The following PTPRO variants were observed in gnomAD, a reference collection of about 807,000 sequenced individuals.
PTPRO encodes the protein receptor-type tyrosine-protein phosphatase O.
In PTPRO, 62 loss-of-function variants were observed where a neutral mutation model predicts 145.2. That is an observed-to-expected ratio of 0.43 (90% confidence interval 0.35 to 0.53). PTPRO has a LOEUF of 0.53. Among genes scored for constraint, PTPRO ranks in the 20% least tolerant of loss-of-function variants. The pLI is 0.01. For synonymous variants in PTPRO, 565 were observed against 514.7 expected (o/e 1.10, Z -1.32); for missense variants, 1,345 against 1,482.7 (o/e 0.91, Z 1.53).
chr12:15,467,326 A>G (rs1941437793), intron 1 of PTPRO, among the ~76,000 whole-genome samples: 1 of 151,898 alleles, frequency 6.6e-6, no homozygotes, highest in South Asian at 2.1e-4. Context: ...ATATATATCA[A>G]ACTGAACTAA....
intron 12 of PTPRO, among the ~76,000 whole-genome samples, chr12:15,526,978 G>C (rs1454459903): frequency 1.3e-5 from 2 of 152,038 alleles, no homozygotes; most frequent in Non-Finnish European, 2.9e-5. Context: ...GTTAAAATAA[G>C]TACTAAAAGA....
intron 22 of PTPRO, 113 bp from the exon 23 acceptor site, chr12:15,581,566 C>G (rs1280049849): frequency 7.8e-7 from 1 of 1,284,992 alleles, no homozygotes; most frequent in East Asian, 2.4e-5. Flanking sequence ...TTCATCTTCA[C>G]CACGGTCCTA....
intron 25 of PTPRO, among the ~76,000 whole-genome samples, chr12:15,593,979 G>A (rs1944605266): frequency 2.0e-5 from 3 of 152,074 alleles, no homozygotes; most frequent in African/African-American, 7.2e-5. Context: ...GGAATAAAAA[G>A]ACATAGTTTC....
At chr12:15,377,089 TAA>T (rs1401059821) in intron 1 of PTPRO, among the ~76,000 whole-genome samples, 6 of 151,960 alleles carry the variant, frequency 3.9e-5, no homozygotes, top group Non-Finnish European at 8.8e-5. Flanking sequence ...TATACTGGAG[TAA>T]AGTCTCAGTA....
intron 15 of PTPRO, among the ~76,000 whole-genome samples, chr12:15,557,032 G>GTTTTT (rs552264784): frequency 4.3e-5 from 6 of 139,922 alleles, no homozygotes; most frequent in Non-Finnish European, 7.8e-5. Context: ...CTTTTATTTT[G>GTTTTT]TTTTTTTTTT....
chr12:15,446,981 G>GC (rs1396646881), intron 1 of PTPRO, among the ~76,000 whole-genome samples: 5 of 151,964 alleles, frequency 3.3e-5, no homozygotes, highest in African/African-American at 4.8e-5. Context: ...ACATCATCTA[G>GC]CCCCCTCCTC....
chr12:15,381,362 C>G (rs927425298), intron 1 of PTPRO, among the ~76,000 whole-genome samples: 3 of 152,138 alleles, frequency 2.0e-5, no homozygotes, highest in African/African-American at 7.2e-5. Context: ...CTACTCAGAG[C>G]AATTTAAGTC....
At chr12:15,548,357 T>C (rs1236067192) in intron 13 of PTPRO, among the ~76,000 whole-genome samples, 2 of 152,206 alleles carry the variant, frequency 1.3e-5, no homozygotes, top group East Asian at 1.9e-4. Context: ...AAAATGTCTG[T>C]AGAGAACTAT....
intron 1 of PTPRO, among the ~76,000 whole-genome samples, chr12:15,360,894 A>ATGTGTG (rs1938176724): frequency 1.8e-5 from 2 of 110,910 alleles, no homozygotes; most frequent in Non-Finnish European, 2.0e-5. Context: ...ACACATGTGT[A>ATGTGTG]TATACACACA....
At chr12:15,539,234 C>T (rs1943128643) in intron 12 of PTPRO, among the ~76,000 whole-genome samples, 2 of 151,648 alleles carry the variant, frequency 1.3e-5, no homozygotes, top group Non-Finnish European at 2.9e-5. Flanking sequence ...TAATGAATAC[C>T]CTGAAAGACC....
At chr12:15,580,216 C>T in intron 21 of PTPRO, 101 bp downstream of exon 21, 1 of 906,978 alleles carries the variant, frequency 1.1e-6, no homozygotes. Flanking sequence ...AGAGCCTTTC[C>T]CAACCCAGCA....
At chr12:15,527,026 T>C (rs964095788) in intron 12 of PTPRO, among the ~76,000 whole-genome samples, 7 of 152,074 alleles carry the variant, frequency 4.6e-5, no homozygotes, top group African/African-American at 1.7e-4. Flanking sequence ...AAGATGGAAA[T>C]AATTTTAATT....
chr12:15,531,535 A>C (rs1255996031), intron 12 of PTPRO, among the ~76,000 whole-genome samples: 2 of 152,190 alleles, frequency 1.3e-5, no homozygotes, highest in Non-Finnish European at 2.9e-5. Context: ...TGTGTAACAC[A>C]AAACACATCT....
At chr12:15,465,486 T>G (rs1228948133) in intron 1 of PTPRO, among the ~76,000 whole-genome samples, 1 of 152,240 alleles carries the variant, frequency 6.6e-6, no homozygotes, top group Non-Finnish European at 1.5e-5. Flanking sequence ...TTAAAATTAC[T>G]TCTACGTCTT....
chr12:15,497,041 A>G lies in PTPRO; in HGVS notation c.350-204A>G, dbSNP rs113052925. 8.5e-5 allele frequency among the ~76,000 whole-genome samples: 13 copies of G among 152,362 alleles called. 2 individuals are homozygous for G. The highest frequency in any genetic ancestry group is 3.1e-4 in the African/African-American group (13 of 41,588). ...AAATAAATGTAAAAGTTCTTCAAAA[A>G]GCAGAAAGCACCATATAAAATGTAC... On this transcript the variant is annotated intron_variant, in intron 2 of 26. Coordinates refer to ENST00000281171, the MANE Select transcript of PTPRO (RefSeq NM_030667.3).
chr12:15,449,190 C>T (rs1940985328), intron 1 of PTPRO, among the ~76,000 whole-genome samples: 1 of 151,704 alleles, frequency 6.6e-6, no homozygotes, highest in Non-Finnish European at 1.5e-5. Context: ...AGAATGGTTA[C>T]AGCTTGGCAT....
At chr12:15,387,335 C>T (rs1403826132) in intron 1 of PTPRO, among the ~76,000 whole-genome samples, 2 of 148,200 alleles carry the variant, frequency 1.3e-5, no homozygotes, top group Admixed American at 1.4e-4. Flanking sequence ...AGTCCAAACT[C>T]TTTAACATGC....
chr12:15,554,244 G>C (rs1943554954), intron 15 of PTPRO, among the ~76,000 whole-genome samples: 1 of 152,118 alleles, frequency 6.6e-6, no homozygotes, highest in African/African-American at 2.4e-5. Flanking sequence ...CACTTGAAAG[G>C]ATGGAGCTGC....
intron 1 of PTPRO, among the ~76,000 whole-genome samples, chr12:15,342,685 T>C (rs1373560288): frequency 1.3e-5 from 2 of 152,202 alleles, no homozygotes; most frequent in African/African-American, 4.8e-5. Flanking sequence ...CCTCGAAGTT[T>C]TCCTGTTAGA....
Sources: allele counts gnomAD v4.1 joint callset (sites outside exome capture counted in the v4.1 genomes callset), GRCh38; gene constraint gnomAD v4.1.1; transcripts MANE v1.5; gene names NCBI Gene and HGNC (gene_info 2026-07-23, HGNC 2026-07-21).